The following TENM3 variants were observed in gnomAD, a reference collection of about 807,000 sequenced individuals.
The protein encoded by TENM3 is teneurin-3.
In TENM3, 63 loss-of-function variants were observed where a neutral mutation model predicts 255.1. The ratio of observed to expected loss-of-function variants is 0.25; its 90% CI spans 0.20 to 0.30. The LOEUF is 0.30. Ranked by LOEUF, TENM3 falls within the 10% of genes least tolerant of loss-of-function variation. TENM3 has a pLI of 1.00. For missense variants in TENM3, 2,929 were observed against 3,461.1 expected, an observed-to-expected ratio of 0.85 and a Z score of 3.86; for synonymous variants, 1,306 against 1,322.3, an observed-to-expected ratio of 0.99 and a Z score of 0.27.
At chr4:181,688,906 AT>A in the TENM3 span, among the ~76,000 whole-genome samples, 132 of 152,300 alleles carry the variant, frequency 8.7e-4, 1 homozygote, top group African/African-American at 3.0e-3. Context: ...ACGGGACCCC[AT>A]TCATCCTGGG....
At chr4:182,127,713 T>C in the TENM3 span, among the ~76,000 whole-genome samples, 1,506 of 152,342 alleles carry the variant, frequency 9.9e-3, 14 homozygotes, top group African/African-American at 0.035. Flanking sequence ...GAACAAAGTT[T>C]ACTGAAAGAC....
chr4:181,629,740 G>A, the TENM3 span, among the ~76,000 whole-genome samples: 1 of 152,176 alleles, frequency 6.6e-6, no homozygotes, highest in African/African-American at 2.4e-5. Context: ...CGGTTTGCCA[G>A]TATTTTATTG....
chr4:181,882,435 A>G, the TENM3 span, among the ~76,000 whole-genome samples: 1 of 152,174 alleles, frequency 6.6e-6, no homozygotes, highest in African/African-American at 2.4e-5. Flanking sequence ...AGAAGGGAGA[A>G]CTGTTCTTAG....
intron 3 of TENM3, among the ~76,000 whole-genome samples, chr4:182,415,536 T>G (rs575722468): frequency 6.6e-5 from 10 of 152,292 alleles, no homozygotes; most frequent in African/African-American, 2.4e-4. Flanking sequence ...ATTTATTCCT[T>G]TGGCATGATA....
chr4:181,828,696 C>A, the TENM3 span, among the ~76,000 whole-genome samples: 2 of 152,190 alleles, frequency 1.3e-5, no homozygotes, highest in African/African-American at 4.8e-5. Context: ...TCAAGTGATT[C>A]TCCTGCCTCA....
chr4:182,564,428 A>G (rs1401784748), intron 3 of TENM3, among the ~76,000 whole-genome samples: 1 of 152,158 alleles, frequency 6.6e-6, no homozygotes, highest in Admixed American at 6.5e-5. Context: ...TGCTGGGATT[A>G]CAGGCTGTCA....
intron 4 of TENM3, among the ~76,000 whole-genome samples, chr4:182,606,916 T>C (rs1414715789): frequency 6.6e-6 from 1 of 152,182 alleles, no homozygotes; most frequent in Non-Finnish European, 1.5e-5. Context: ...GTGGATATAG[T>C]AGGGATACAA....
At chr4:181,576,283 CT>C in the TENM3 span, among the ~76,000 whole-genome samples, 1 of 152,170 alleles carries the variant, frequency 6.6e-6, no homozygotes, top group Non-Finnish European at 1.5e-5. Flanking sequence ...TGATTTCATT[CT>C]TTTTTATAGC....
At chr4:182,624,252 A>G (rs1471015298) in intron 4 of TENM3, among the ~76,000 whole-genome samples, 1 of 152,200 alleles carries the variant, frequency 6.6e-6, no homozygotes, top group African/African-American at 2.4e-5. Flanking sequence ...TCTTTCTGAC[A>G]TTTTGGGTAT....
At chr4:182,221,858 C>A (rs539065443) in intron 1 of TENM3, among the ~76,000 whole-genome samples, 44 of 152,256 alleles carry the variant, frequency 2.9e-4, no homozygotes, top group African/African-American at 1.0e-3. Context: ...TTTGAAAATA[C>A]CTTTTGCATT....
chr4:181,862,045 G>A, the TENM3 span, among the ~76,000 whole-genome samples: 1 of 151,980 alleles, frequency 6.6e-6, no homozygotes, highest in Non-Finnish European at 1.5e-5. Context: ...TATTTGGCTT[G>A]GGTGGAAACT....
the TENM3 span, among the ~76,000 whole-genome samples, chr4:181,525,396 C>CAAAAAAAAAAAAAAAAAAAAAAACAAA: frequency 1.0e-5 from 1 of 97,316 alleles, no homozygotes; most frequent in African/African-American, 3.9e-5. Flanking sequence ...GACCCTGTTT[C>CAAAAAAAAAAAAAAAAAAAAAAACAAA]AAAAAAAAAA....
At chr4:181,782,749 C>T in the TENM3 span, among the ~76,000 whole-genome samples, 3 of 152,074 alleles carry the variant, frequency 2.0e-5, no homozygotes, top group Non-Finnish European at 2.9e-5. Flanking sequence ...CTTTTTCTTG[C>T]GGGTGTTTAG....
the TENM3 span, among the ~76,000 whole-genome samples, chr4:181,731,657 T>G: frequency 6.6e-6 from 1 of 152,232 alleles, no homozygotes; most frequent in Admixed American, 6.5e-5. Context: ...CAAGACAATG[T>G]GTGTCTTATT....
chr4:182,463,444 G>A (rs1365654207), intron 3 of TENM3, among the ~76,000 whole-genome samples: 1 of 151,592 alleles, frequency 6.6e-6, no homozygotes, highest in Non-Finnish European at 1.5e-5. Flanking sequence ...AGTGCAATGG[G>A]TGCAATACTT....
the TENM3 span, among the ~76,000 whole-genome samples, chr4:181,762,005 T>C: frequency 6.6e-6 from 1 of 152,214 alleles, no homozygotes; most frequent in Non-Finnish European, 1.5e-5. Flanking sequence ...TTGGTCCATG[T>C]GGGCTCACTG....
At chr4:182,781,600 T>C (rs1175231909) in intron 24 of TENM3, among the ~76,000 whole-genome samples, 1 of 151,894 alleles carries the variant, frequency 6.6e-6, no homozygotes, top group Non-Finnish European at 1.5e-5. Context: ...CCTCTTTTTC[T>C]GTTGATTGGA....
chr4:182,242,729 C>G (rs1302491866), upstream of TENM3, among the ~76,000 whole-genome samples: 1 of 152,166 alleles, frequency 6.6e-6, no homozygotes, highest in Non-Finnish European at 1.5e-5. Context: ...CCAGTGCACT[C>G]CAGCCTGGGT....
the TENM3 span, among the ~76,000 whole-genome samples, chr4:181,599,918 A>C: frequency 6.6e-6 from 1 of 152,172 alleles, no homozygotes; most frequent in African/African-American, 2.4e-5. Flanking sequence ...AATTCGCAAT[A>C]ACTTACATTT....
Sources: gnomAD v4.1 joint callset for allele counts (sites outside exome capture counted in the v4.1 genomes callset) on GRCh38, gnomAD v4.1.1 for gene constraint, MANE v1.5 for transcripts, NCBI Gene and HGNC (gene_info 2026-07-23, HGNC 2026-07-21) for gene names.